ADAMTSL1: variants seen among roughly 807,000 people sequenced by gnomAD.
ADAMTSL1 encodes the protein ADAMTS like 1, also known as ADAMTS-like protein 1.
ADAMTSL1 carries 126 observed loss-of-function variants against 201.8 expected under a neutral mutation model. That is an observed-to-expected ratio of 0.62 (90% CI 0.54 to 0.72). The LOEUF (loss-of-function observed/expected upper bound fraction) is 0.72, where lower values mean the gene tolerates loss of function less well. Ranked by LOEUF, ADAMTSL1 falls within the 30% of genes least tolerant of loss-of-function variation. The probability of loss-of-function intolerance (pLI) is 0.00; values close to 1 mark genes in which losing one functional copy is unlikely to be tolerated. For missense variants in ADAMTSL1, 2,679 were observed against 2,277.8 expected, an observed-to-expected ratio of 1.18 and a Z score of -3.59; for synonymous variants, 1,121 against 903.4, an observed-to-expected ratio of 1.24 and a Z score of -4.32.
At chr9:18,631,203 G>C (rs1036193140) in intron 5 of ADAMTSL1, among the ~76,000 whole-genome samples, 2 of 152,164 alleles carry the variant, frequency 1.3e-5, no homozygotes, top group African/African-American at 4.8e-5. Context: ...ATGAAGTAGA[G>C]GATGGCTCCA....
intron 2 of ADAMTSL1, among the ~76,000 whole-genome samples, chr9:18,452,020 C>T (rs962253288): frequency 6.6e-6 from 1 of 152,164 alleles, no homozygotes; most frequent in Non-Finnish European, 1.5e-5. Context: ...AAGCGATTCT[C>T]CTCCTTCCTC....
chr9:18,474,354 G>T (rs952281024), intron 1 of ADAMTSL1, 59 bp downstream of exon 1: 35 of 1,543,124 alleles, frequency 2.3e-5, no homozygotes, highest in Admixed American at 8.4e-5. Context: ...TGCTGTTGGG[G>T]GTGTGTGTGT....
chr9:18,862,663 G>C (rs1827282651), intron 23 of ADAMTSL1, among the ~76,000 whole-genome samples: 1 of 152,156 alleles, frequency 6.6e-6, no homozygotes. Flanking sequence ...CTCCTCAAAA[G>C]TATGGTATGA....
chr9:18,906,700 G>A lies in ADAMTSL1; in HGVS notation c.4970G>A (p.Ser1657Asn), dbSNP rs780094119. Residue 1657 changes from serine to asparagine, a missense_variant, in exon 28 of 29, where the codon AGC (serine) becomes AAC (asparagine). Coordinates refer to ENST00000380548, the MANE Select transcript of ADAMTSL1 (RefSeq NM_001040272.6). ...EQCSALPRPV[S>N]TQNCWSEACS... ...CCACCATCCTCCTGCAGGCCTGTGA[G>A]CACCCAGAACTGCTGGTCAGAGGCC... The A allele has an allele frequency of 6.3e-7, 1 of 1,593,574 alleles. No individual in the cohort carries two copies. The highest frequency in any genetic ancestry group is 8.6e-7 in the Non-Finnish European group (1 of 1,168,898).
chr9:18,112,349 A>G lies in ADAMTSL1; in HGVS notation c.88-51513A>G, dbSNP rs533638408. Among the ~76,000 whole-genome samples, 10 of 152,188 alleles carry G rather than the reference A, an allele frequency of 6.6e-5. No homozygotes were observed. In the South Asian group the frequency reaches 1.2e-3, roughly 19 times the overall value. On this transcript the variant is annotated intron_variant, in intron 1 of 29. Coordinates refer to the ADAMTSL1 transcript ENST00000680146. ...GAGGGGACGTACTCCATTAATAGGT[A>G]TAGTGTGCTTCAGCTCCCATACTCC...
intron 2 of ADAMTSL1, among the ~76,000 whole-genome samples, chr9:18,433,976 G>A (rs944026976): frequency 2.0e-5 from 3 of 152,194 alleles, no homozygotes; most frequent in African/African-American, 7.2e-5. Flanking sequence ...GTTAGAAACT[G>A]TAAATTTTAG....
chr9:18,072,199 GC>G (rs1823001024), intron 1 of ADAMTSL1, among the ~76,000 whole-genome samples: 1 of 152,172 alleles, frequency 6.6e-6, no homozygotes, highest in Admixed American at 6.5e-5. Context: ...CTGATTGAAG[GC>G]CTCTGTGAAT....
intron 2 of ADAMTSL1, among the ~76,000 whole-genome samples, chr9:18,388,609 C>CA (rs1554670434): frequency 7.0e-6 from 1 of 143,078 alleles, no homozygotes; most frequent in Non-Finnish European, 1.5e-5. Context: ...CCTTTGCTGC[C>CA]TTTTTTTTTT....
intron 2 of ADAMTSL1, among the ~76,000 whole-genome samples, chr9:18,461,545 A>T (rs1428107200): frequency 2.0e-5 from 3 of 152,210 alleles, no homozygotes; most frequent in African/African-American, 7.2e-5. Context: ...GGGTAGACAT[A>T]GATTAATTTT....
chr9:18,259,791 A>T (rs1831845317), intron 2 of ADAMTSL1, among the ~76,000 whole-genome samples: 1 of 152,170 alleles, frequency 6.6e-6, no homozygotes, highest in African/African-American at 2.4e-5. Context: ...GAGTAATAGG[A>T]AATGGTGCCA....
intron 1 of ADAMTSL1, among the ~76,000 whole-genome samples, chr9:18,023,056 G>T (rs1820544927): frequency 6.6e-6 from 1 of 151,958 alleles, no homozygotes; most frequent in Admixed American, 6.6e-5. Flanking sequence ...GGAATGAATG[G>T]TTTGGAAATA....
chr9:17,956,158 A>T (rs533528783), intron 1 of ADAMTSL1, among the ~76,000 whole-genome samples: 2 of 152,206 alleles, frequency 1.3e-5, no homozygotes, highest in Non-Finnish European at 2.9e-5. Flanking sequence ...TACATTTTTC[A>T]TAAATACATC....
chr9:18,879,550 G>T (rs967322107), intron 23 of ADAMTSL1, among the ~76,000 whole-genome samples: 1 of 152,166 alleles, frequency 6.6e-6, no homozygotes, highest in Non-Finnish European at 1.5e-5. Flanking sequence ...CCCAATACAT[G>T]TAAAAGTTAT....
intron 1 of ADAMTSL1, among the ~76,000 whole-genome samples, chr9:17,957,787 T>C (rs1460846431): frequency 6.6e-6 from 1 of 151,946 alleles, no homozygotes; most frequent in African/African-American, 2.4e-5. Context: ...TGTGTGAAAA[T>C]GGAGGTGGAG....
At chr9:18,588,904 C>T (rs28802339) in intron 4 of ADAMTSL1, among the ~76,000 whole-genome samples, 41,787 of 123,694 alleles carry the variant, frequency 0.34, 7,129 homozygotes, top group East Asian at 0.53. Context: ...TATATATATA[C>T]ATATATATAC....
intron 1 of ADAMTSL1, among the ~76,000 whole-genome samples, chr9:17,975,689 G>A (rs547738377): frequency 6.6e-6 from 1 of 152,080 alleles, no homozygotes; most frequent in South Asian, 2.1e-4. Context: ...CCATTTTGTT[G>A]ATTGATTCCT....
At chr9:18,506,276 A>G (rs1019673804) in intron 2 of ADAMTSL1, among the ~76,000 whole-genome samples, 1 of 152,230 alleles carries the variant, frequency 6.6e-6, no homozygotes, top group Non-Finnish European at 1.5e-5. Context: ...TCTGCAATGT[A>G]TGCTGCCACA....
rs59449487 is a variant in ADAMTSL1, at chr9:18,180,555, A to AG, written c.207+16574_207+16575insG. On this transcript the variant is annotated intron_variant, in intron 2 of 29. Coordinates refer to the ADAMTSL1 transcript ENST00000680146. Reference sequence around the variant, plus strand: ...GTCAAAAAAAAAAAAAAAAAAAAAAATACCTAAGAATCCAACTTACCAGGG... The same window carrying AG: ...GTCAAAAAAAAAAAAAAAAAAAAAAAGTACCTAAGAATCCAACTTACCAGGG... Among the ~76,000 whole-genome samples the AG allele has an allele frequency of 2.0e-5, 3 of 150,420 alleles. No individual in the cohort carries two copies. In the East Asian group the frequency reaches 5.9e-4, roughly 29 times the overall value.
At chr9:18,459,989 C>A (rs1056062047) in intron 2 of ADAMTSL1, among the ~76,000 whole-genome samples, 5 of 151,920 alleles carry the variant, frequency 3.3e-5, no homozygotes, top group East Asian at 1.9e-4. Flanking sequence ...CAAGATTTGC[C>A]GAGAATATTA....
Sources: gnomAD v4.1 joint callset for allele counts (sites outside exome capture counted in the v4.1 genomes callset) on GRCh38, gnomAD v4.1.1 for gene constraint, MANE v1.5 for transcripts, NCBI Gene and HGNC (gene_info 2026-07-23, HGNC 2026-07-21) for gene names.